The following PCDHA12 variants were observed in gnomAD, a reference collection of about 807,000 sequenced individuals.
The protein encoded by PCDHA12 is protocadherin alpha-12.
In PCDHA12, 44 loss-of-function variants were observed where a neutral mutation model predicts 60.0. The observed-to-expected ratio is 0.73, with a 90% CI of 0.58 to 0.94. The LOEUF is 0.94. Ranked by LOEUF, PCDHA12 falls within the 40% of genes least tolerant of loss-of-function variation. The pLI is 0.00. For missense variants in PCDHA12, 1,276 were observed against 1,239.7 expected, an observed-to-expected ratio of 1.03 and a Z score of -0.44; for synonymous variants, 569 against 553.0, an observed-to-expected ratio of 1.03 and a Z score of -0.40.
chr5:140,988,524 T>C (rs1338675660), intron 3 of PCDHA12, among the ~76,000 whole-genome samples: 2 of 152,212 alleles, frequency 1.3e-5, no homozygotes, highest in East Asian at 3.8e-4. Context: ...AAGTCTCTGC[T>C]GGCTCCATCC....
rs116072877 is a variant in PCDHA12 at position 140,927,686 on chromosome 5, A to G, written c.2367+49847A>G. On this transcript the variant is annotated intron_variant, in intron 1 of 3. Transcript: ENST00000398631. ...GCCTTGGATCCAGATGAAGGGTCCA[A>G]TGGGGAAGTCCAGTACTCCCTAAGC... 796 of 1,614,196 alleles carry G rather than the reference A, an allele frequency of 4.9e-4. 3 individuals carry two copies. The African/African-American group carries it at 7.7e-3, about 16-fold the overall frequency.
At chr5:141,008,704 T>C (rs1485324733) in intron 3 of PCDHA12, among the ~76,000 whole-genome samples, 1 of 152,236 alleles carries the variant, frequency 6.6e-6, no homozygotes, top group East Asian at 1.9e-4. Context: ...AGTTGGTTTC[T>C]AGTTGCTTGA....
rs1195696269 is a variant in PCDHA12, at chr5:141,010,821, TTTG to T, written c.*890_*892del. ...AACCCCGACACCTCACCTTTCGCTG[TTTG>T]TTGTTTCATAGATTTATTTAAAAAA... is the stretch of plus-strand genomic sequence containing the variant. On this transcript the variant is annotated 3_prime_UTR_variant, in exon 4 of 4. Coordinates refer to ENST00000398631, the MANE Select transcript of PCDHA12 (RefSeq NM_018903.4). 3 of 153,772 alleles carry T rather than the reference TTTG, an allele frequency of 2.0e-5. No individual in the cohort carries two copies. The highest frequency in any genetic ancestry group is 4.4e-5 in the Non-Finnish European group (3 of 68,048). 9.5% of individuals were successfully genotyped at this position (153,772 alleles called of 1,614,324 possible).
At chr5:140,931,901 T>G (rs2087840006) in intron 1 of PCDHA12, among the ~76,000 whole-genome samples, 1 of 151,938 alleles carries the variant, frequency 6.6e-6, no homozygotes, top group South Asian at 2.1e-4. Flanking sequence ...TCAAATCATT[T>G]GAAAAGCATG....
intron 1 of PCDHA12, among the ~76,000 whole-genome samples, chr5:140,879,549 A>T (rs1345193552): frequency 2.0e-5 from 3 of 152,246 alleles, no homozygotes; most frequent in Admixed American, 6.5e-5. Context: ...AGAGAAAAAA[A>T]TAATCCATGA....
At position 140,906,503 on chromosome 5, in the gene PCDHA12, AAAG is replaced by A. The variant is rs537708204; in HGVS notation, c.2367+28668_2367+28670del. Among the ~76,000 whole-genome samples the A allele has an allele frequency of 2.0e-5, 3 of 152,376 alleles. No homozygotes were observed. The South Asian group carries it at 6.2e-4, about 32-fold the overall frequency. On this transcript the variant is annotated intron_variant, in intron 1 of 3. Transcript: ENST00000398631. The stretch of plus-strand genomic sequence containing the variant: ...ATAAATGCACAAACATGTTTTTAAC[AAAG>A]AAGGAGGAAATACTCACGACAATTA...
chr5:140,949,764 G>A (rs1168507534), intron 1 of PCDHA12, among the ~76,000 whole-genome samples: 2 of 151,746 alleles, frequency 1.3e-5, no homozygotes, highest in African/African-American at 2.4e-5. Flanking sequence ...TCACATTAGT[G>A]TAATATTTGA....
chr5:140,967,049 A>G (rs782123539), intron 1 of PCDHA12: 12 of 1,612,528 alleles, frequency 7.4e-6, no homozygotes, highest in Non-Finnish European at 9.3e-6. Flanking sequence ...GCTGGACCTG[A>G]CGAGTGGAGC....
At chr5:140,900,206 C>A (rs1286660558) in intron 1 of PCDHA12, among the ~76,000 whole-genome samples, 1 of 152,172 alleles carries the variant, frequency 6.6e-6, no homozygotes, top group Non-Finnish European at 1.5e-5. Flanking sequence ...CCAGTTTCAT[C>A]CAGGTTGTTG....
intron 1 of PCDHA12, among the ~76,000 whole-genome samples, chr5:140,922,088 T>C (rs1361534405): frequency 6.6e-6 from 1 of 152,184 alleles, no homozygotes; most frequent in Non-Finnish European, 1.5e-5. Context: ...AAGTGGTATT[T>C]CTACCAACTA....
intron 1 of PCDHA12, among the ~76,000 whole-genome samples, chr5:140,890,293 A>G (rs1423277316): frequency 6.6e-6 from 1 of 152,196 alleles, no homozygotes; most frequent in African/African-American, 2.4e-5. Flanking sequence ...AGTCAGAACC[A>G]GGAGAGGTAA....
chr5:140,929,279 T>C (rs368682683), intron 1 of PCDHA12: 1 of 1,603,874 alleles, frequency 6.2e-7, no homozygotes, highest in Non-Finnish European at 8.5e-7. Context: ...ATATCCTGTA[T>C]TCAGATTCGG....
In PCDHA12 at chr5:141,010,896, A is replaced by G. The variant is rs1433932699; in HGVS notation, c.*959A>G. 6.5e-6 allele frequency: 1 copy of G among 153,790 alleles called. No individual in the cohort carries two copies. The highest frequency in any genetic ancestry group is 1.5e-5 in the Non-Finnish European group (1 of 68,052). The allele number at this position is 153,790 out of a possible 1,614,324, so 9.5% of individuals were successfully genotyped here. A position where few individuals can be genotyped will look rare whatever the true frequency, so the allele number is the denominator to read the frequency against. Reference sequence around the variant, plus strand: ...ATCTTTAAAGAGAAATATGAATACAATTCCCCTAAACTCTCCTCAAAAGAG... The same window carrying G: ...ATCTTTAAAGAGAAATATGAATACAGTTCCCCTAAACTCTCCTCAAAAGAG... On this transcript the variant is annotated 3_prime_UTR_variant, in exon 4 of 4. Coordinates refer to ENST00000398631, the MANE Select transcript of PCDHA12 (RefSeq NM_018903.4).
intron 1 of PCDHA12, among the ~76,000 whole-genome samples, chr5:140,899,817 T>C (rs1360189018): frequency 6.6e-6 from 1 of 152,178 alleles, no homozygotes; most frequent in East Asian, 1.9e-4. Flanking sequence ...TTGTTTTGTT[T>C]TTCCTTTTTG....
At position 140,968,504 on chromosome 5, in the gene PCDHA12, C is replaced by T. The variant is rs147528189; in HGVS notation, c.2368-10445C>T. 58 of 1,614,064 alleles carry T rather than the reference C, an allele frequency of 3.6e-5. No individual in the cohort carries two copies. In the African/African-American group the frequency reaches 6.7e-4, roughly 19 times the overall value. ...CATGAATGACCATGCCCCTCACATT[C>T]TGTACCCTACCTCAACCAACTCGTC... On this transcript the variant is annotated intron_variant, in intron 1 of 3. Transcript: ENST00000398631.
chr5:140,967,503 G>C (rs369053625), intron 1 of PCDHA12: 1 of 1,612,938 alleles, frequency 6.2e-7, no homozygotes, highest in Non-Finnish European at 8.5e-7. Context: ...ATCTCTGTGC[G>C]TGTCCTGGAC....
chr5:140,954,978 A>C (rs1268797182), intron 1 of PCDHA12, among the ~76,000 whole-genome samples: 2 of 152,176 alleles, frequency 1.3e-5, no homozygotes, highest in African/African-American at 4.8e-5. Context: ...GTCCAGTTTC[A>C]ATTTTCTGCA....
intron 1 of PCDHA12, among the ~76,000 whole-genome samples, chr5:140,900,791 T>A (rs2068293056): frequency 6.6e-6 from 1 of 152,200 alleles, no homozygotes; most frequent in African/African-American, 2.4e-5. Flanking sequence ...TCCAAACTGT[T>A]CTCCATAGTG....
At position 140,877,908 on chromosome 5, in the gene PCDHA12, T is replaced by C; in HGVS notation, c.2367+69T>C. On this transcript the variant is annotated intron_variant, in intron 1 of 3. Coordinates refer to ENST00000398631, the MANE Select transcript of PCDHA12 (RefSeq NM_018903.4). The stretch of plus-strand genomic sequence containing the variant: ...ACTTCCGTTTAGGTTATAACTACAT[T>C]CTCTCATTTTTCTTTATGATTCTAT... 3 of 1,433,546 alleles carry C rather than the reference T, an allele frequency of 2.1e-6. No homozygotes were observed. The South Asian group carries it at 4.7e-5, about 22-fold the overall frequency. 88.8% of individuals were successfully genotyped at this position (1,433,546 alleles called of 1,614,324 possible).
Sources: gnomAD v4.1 joint callset for allele counts (sites outside exome capture counted in the v4.1 genomes callset) on GRCh38, gnomAD v4.1.1 for gene constraint, MANE v1.5 for transcripts, NCBI Gene and HGNC (gene_info 2026-07-23, HGNC 2026-07-21) for gene names.